GPR89B: variants seen among roughly 807,000 people sequenced by gnomAD.
The protein encoded by GPR89B is golgi pH regulator B.
GPR89B carries 25 observed loss-of-function variants against 52.4 expected under a neutral mutation model. That is an observed-to-expected ratio of 0.48 (90% CI 0.35 to 0.67). The LOEUF (loss-of-function observed/expected upper bound fraction) is 0.67, where lower values mean the gene tolerates loss of function less well. Ranked by LOEUF, GPR89B falls within the 30% of genes least tolerant of loss-of-function variation. GPR89B has a pLI of 0.01. For missense variants in GPR89B, 146 were observed against 450.2 expected (o/e 0.32, Z 6.11); for synonymous variants, 52 against 151.2 (o/e 0.34, Z 4.81).
At chr1:147,962,953 GA>G (rs1165697890) in intron 7 of GPR89B, among the ~76,000 whole-genome samples, 8,570 of 87,980 alleles carry the variant, frequency 0.097, 382 homozygotes, top group African/African-American at 0.19. Context: ...AAAACTTTCA[GA>G]AAAAAAAAAA....
At chr1:148,017,746 T>TAAAATA in the GPR89B span, among the ~76,000 whole-genome samples, 24 of 143,354 alleles carry the variant, frequency 1.7e-4, no homozygotes, top group African/African-American at 5.1e-4. Context: ...TCAAAATAAA[T>TAAAATA]AAATAAAATA....
chr1:148,013,427 A>G, the GPR89B span, among the ~76,000 whole-genome samples: 1 of 152,068 alleles, frequency 6.6e-6, no homozygotes, highest in Non-Finnish European at 1.5e-5. Flanking sequence ...TCTCTCCCCA[A>G]GACCCTCCGA....
chr1:147,970,519 C>CTCTCTCTCTCTCTCTCTCTCTA (rs1657358891), intron 10 of GPR89B, among the ~76,000 whole-genome samples: 1 of 150,164 alleles, frequency 6.7e-6, no homozygotes, highest in African/African-American at 2.5e-5. Context: ...CTCTCTCTCT[C>CTCTCTCTCTCTCTCTCTCTCTA]TCTCTCTCTC....
intron 10 of GPR89B, among the ~76,000 whole-genome samples, chr1:147,978,072 C>T (rs1162567566): frequency 1.3e-5 from 2 of 150,730 alleles, no homozygotes; most frequent in African/African-American, 4.9e-5. Flanking sequence ...AAGAGGCACT[C>T]TGGCTTTTTG....
chr1:147,976,121 A>G (rs1297947154), intron 10 of GPR89B, among the ~76,000 whole-genome samples: 2 of 152,344 alleles, frequency 1.3e-5, no homozygotes, highest in East Asian at 1.9e-4. Flanking sequence ...AGAAGAATGT[A>G]TATTCTGTTG....
At chr1:148,009,980 C>G in the GPR89B span, among the ~76,000 whole-genome samples, 6,673 of 151,406 alleles carry the variant, frequency 0.044, 207 homozygotes, top group African/African-American at 0.073. Flanking sequence ...AAACCCCAGT[C>G]TCCAGCATGG....
At chr1:147,958,677 G>T (rs1656307727) in intron 7 of GPR89B, among the ~76,000 whole-genome samples, 1 of 151,240 alleles carries the variant, frequency 6.6e-6, no homozygotes, top group Admixed American at 6.6e-5. Context: ...CATGTCAAGT[G>T]TGGATACATA....
At chr1:148,015,279 G>A in the GPR89B span, among the ~76,000 whole-genome samples, 1 of 126,584 alleles carries the variant, frequency 7.9e-6, no homozygotes, top group African/African-American at 3.1e-5. Flanking sequence ...ATCAAGGTCC[G>A]CTAGGATTCT....
intron 1 of GPR89B, among the ~76,000 whole-genome samples, chr1:147,935,662 A>G (rs1203402401): frequency 2.0e-5 from 3 of 152,224 alleles, no homozygotes; most frequent in African/African-American, 7.2e-5. Flanking sequence ...TATAAAAAAT[A>G]TTAGGCTTTC....
At chr1:147,957,541 G>A (rs1656206635) in intron 7 of GPR89B, among the ~76,000 whole-genome samples, 5 of 151,928 alleles carry the variant, frequency 3.3e-5, no homozygotes, top group Admixed American at 1.3e-4. Context: ...CCTAGTTTAC[G>A]CCAGACACTG....
At chr1:148,021,327 C>T in the GPR89B span, among the ~76,000 whole-genome samples, 1 of 151,772 alleles carries the variant, frequency 6.6e-6, no homozygotes, top group Admixed American at 6.5e-5. Flanking sequence ...ATGGTGAAAC[C>T]CCGTCTCTAC....
In GPR89B at chr1:147,931,351, T is replaced by C. The variant is rs1209292744; in HGVS notation, c.42+2773T>C. Among the ~76,000 whole-genome samples the C allele has an allele frequency of 5.3e-5, 8 of 152,156 alleles. No individual in the cohort carries two copies. The South Asian group carries it at 6.2e-4, about 12-fold the overall frequency. ...GCCCTCTATACCGTCATAAGACTTATCAGTTCCAGAGTACACTCTTAAGTC... is the reference window on the plus strand; with the variant it reads ...GCCCTCTATACCGTCATAAGACTTACCAGTTCCAGAGTACACTCTTAAGTC... On this transcript the variant is annotated intron_variant, in intron 1 of 13. Transcript: ENST00000314163.
downstream of GPR89B, chr1:147,995,634 C>A (rs1191208451): frequency 6.2e-7 from 1 of 1,608,862 alleles, no homozygotes; most frequent in Non-Finnish European, 8.5e-7. Flanking sequence ...TTTGACTCCA[C>A]CACTATTCCT....
At chr1:147,995,185 T>A (rs1659285559), downstream of GPR89B, among the ~76,000 whole-genome samples, 1 of 151,202 alleles carries the variant, frequency 6.6e-6, no homozygotes, top group South Asian at 2.1e-4. Context: ...GTTAACATGA[T>A]CCTGATAACA....
the GPR89B span, among the ~76,000 whole-genome samples, chr1:148,001,742 G>A: frequency 6.6e-6 from 1 of 150,744 alleles, no homozygotes; most frequent in South Asian, 2.1e-4. Context: ...TAACAATGAA[G>A]GGGTCTTAAC....
chr1:148,016,824 C>T, the GPR89B span, among the ~76,000 whole-genome samples: 3 of 151,008 alleles, frequency 2.0e-5, no homozygotes, highest in Admixed American at 6.6e-5. Context: ...TAAATCTGCC[C>T]TACAGTTCAC....
At chr1:148,018,882 T>C in the GPR89B span, among the ~76,000 whole-genome samples, 9 of 151,734 alleles carry the variant, frequency 5.9e-5, no homozygotes, top group Admixed American at 5.9e-4. Context: ...GTCAGGCTGG[T>C]CTCGAACTCC....
intron 5 of GPR89B, among the ~76,000 whole-genome samples, chr1:147,950,546 G>A (rs1282516675): frequency 1.3e-5 from 2 of 152,194 alleles, no homozygotes; most frequent in African/African-American, 4.8e-5. Flanking sequence ...CCGGGCAGAG[G>A]CTGCAATCTT....
At chr1:147,971,351 A>G (rs1294673611) in intron 10 of GPR89B, among the ~76,000 whole-genome samples, 2 of 149,700 alleles carry the variant, frequency 1.3e-5, no homozygotes, top group Non-Finnish European at 2.9e-5. Context: ...GGCTTTCACC[A>G]TGTTGCCCAA....
Sources: allele counts gnomAD v4.1 joint callset (sites outside exome capture counted in the v4.1 genomes callset), GRCh38; gene constraint gnomAD v4.1.1; transcripts MANE v1.5; gene names NCBI Gene and HGNC (gene_info 2026-07-23, HGNC 2026-07-21).